NOTCH2NLC: variants seen among roughly 807,000 people sequenced by gnomAD.
NOTCH2NLC encodes notch homolog 2 N-terminal-like protein C.
In NOTCH2NLC, 4 loss-of-function variants were observed where a neutral mutation model predicts 17.7. The observed-to-expected ratio is 0.23, with a 90% confidence interval of 0.11 to 0.52. The LOEUF (loss-of-function observed/expected upper bound fraction) is 0.52, where lower values mean the gene tolerates loss of function less well. NOTCH2NLC is among the 20% of genes least tolerant of loss of function. The pLI, the probability that NOTCH2NLC is intolerant of heterozygous loss-of-function variation, is 0.96. For synonymous variants in NOTCH2NLC, 18 were observed against 86.0 expected (o/e 0.21, Z 4.38); for missense variants, 57 against 207.2 (o/e 0.28, Z 4.45).
intron 2 of NOTCH2NLC, among the ~76,000 whole-genome samples, chr1:149,449,652 A>G (rs1156401280): frequency 3.3e-5 from 5 of 151,362 alleles, no homozygotes; most frequent in African/African-American, 4.9e-5. Context: ...TAATTTATGT[A>G]TCATAAAATT....
At chr1:149,463,280 GAGTCCTTGTGTCTCTGCTGAGGTCCT>G (rs2084662338) in intron 3 of NOTCH2NLC, among the ~76,000 whole-genome samples, 185 bp from the exon 4 acceptor site, 1 of 149,290 alleles carries the variant, frequency 6.7e-6, no homozygotes, top group African/African-American at 2.5e-5. Flanking sequence ...TCCACCCACT[GAGTCCTTGTGTCTCTGCTGAGGTCCT>G]TGGAGAGTTA....
intron 1 of NOTCH2NLC, among the ~76,000 whole-genome samples, chr1:149,423,672 G>A (rs1418142486): frequency 0.011 from 1,670 of 147,616 alleles, 49 homozygotes; most frequent in African/African-American, 0.04. Context: ...TTGCATAAAC[G>A]TTGAAGAAAA....
rs1367398711 is a variant in NOTCH2NLC, at chr1:149,467,451, A to G, written c.*3298A>G. On this transcript the variant is annotated 3_prime_UTR_variant, in exon 5 of 5. Coordinates refer to ENST00000650865, the MANE Select transcript of NOTCH2NLC (RefSeq NM_001364013.2). ...CGCGTCTTGTATGACACAGAAAGAA[A>G]TGTTTCTTCACAGAGGGAGGAGAAA... 3.5e-5 allele frequency: 5 copies of G among 144,340 alleles called. 1 individual carries two copies. The highest frequency in any genetic ancestry group is 1.3e-4 in the African/African-American group (5 of 39,530). 8.9% of individuals were successfully genotyped at this position (144,340 alleles called of 1,614,324 possible). A position where few individuals can be genotyped will look rare whatever the true frequency, so the allele number is the denominator to read the frequency against.
At chr1:149,461,083 T>C (rs1226898853) in intron 3 of NOTCH2NLC, among the ~76,000 whole-genome samples, 9,040 of 148,502 alleles carry the variant, frequency 0.061, 421 homozygotes, top group Middle Eastern at 0.077. Context: ...TACAGGTATG[T>C]GCTATGAAGC....
At chr1:149,462,790 G>C (rs2084657288) in intron 3 of NOTCH2NLC, among the ~76,000 whole-genome samples, 2 of 149,412 alleles carry the variant, frequency 1.3e-5, no homozygotes, top group Non-Finnish European at 3.0e-5. Context: ...CTTTAGAGTT[G>C]CCAAGATAGG....
chr1:149,425,092 A>G (rs1188925415), intron 1 of NOTCH2NLC, among the ~76,000 whole-genome samples: 2 of 150,878 alleles, frequency 1.3e-5, no homozygotes, highest in Non-Finnish European at 3.0e-5. Context: ...TAGTATTCAA[A>G]CCCAGATTTG....
rs1381790232 is a variant in NOTCH2NLC, at chr1:149,461,033, C to T, written c.470-2458C>T. Reference sequence around the variant, plus strand: ...CACTGCAACCTCCACCTCTTGGGTTCGAGTGATTCTTGTGCCTCAGCCTCC... The same window carrying T: ...CACTGCAACCTCCACCTCTTGGGTTTGAGTGATTCTTGTGCCTCAGCCTCC... On this transcript the variant is annotated intron_variant, in intron 3 of 4. Coordinates refer to ENST00000650865, the MANE Select transcript of NOTCH2NLC (RefSeq NM_001364013.2). Among the ~76,000 whole-genome samples, 31 of 148,658 alleles carry T rather than the reference C, an allele frequency of 2.1e-4. 1 individual carries two copies. Among genetic ancestry groups the T allele is most frequent in the African/African-American group, 5.7e-4 (23 of 40,316 alleles).
chr1:149,412,985 A>G (rs1384199562), intron 1 of NOTCH2NLC, among the ~76,000 whole-genome samples: 3 of 137,798 alleles, frequency 2.2e-5, no homozygotes, highest in Non-Finnish European at 4.7e-5. Context: ...GCTTACCACA[A>G]CCTCCACCTC....
chr1:149,414,736 G>A (rs1243241934), intron 1 of NOTCH2NLC, among the ~76,000 whole-genome samples: 2 of 150,944 alleles, frequency 1.3e-5, no homozygotes, highest in Non-Finnish European at 3.0e-5. Flanking sequence ...TACTTCTGGG[G>A]TACACACACC....
Position 149,466,276 on chromosome 1 carries a change from G to GTTATATATATATATATAT in NOTCH2NLC, c.*2123_*2124insTTATATATATATATATAT, listed in dbSNP as rs1414684506. The stretch of plus-strand genomic sequence containing the variant: ...TGTGTGTGTGTGTGTGTGTGTGTGT[G>GTTATATATATATATATAT]GTATATATATATATATCGCATTGTG... On this transcript the variant is annotated 3_prime_UTR_variant, in exon 5 of 5. Coordinates refer to ENST00000650865, the MANE Select transcript of NOTCH2NLC (RefSeq NM_001364013.2). 7.7e-6 allele frequency: 1 copy of GTTATATATATATATATAT among 129,164 alleles called. No individual in the cohort carries two copies. Among genetic ancestry groups the GTTATATATATATATATAT allele is most frequent in the African/African-American group, 2.9e-5 (1 of 34,614 alleles). The allele number at this position is 129,164 out of a possible 1,614,324, so 8.0% of individuals were successfully genotyped here.
At position 149,399,220 on chromosome 1, in the gene NOTCH2NLC, C is replaced by A. The variant is rs1257782894; in HGVS notation, c.135+8298C>A. On this transcript the variant is annotated intron_variant, in intron 1 of 4. Coordinates refer to ENST00000650865, the MANE Select transcript of NOTCH2NLC (RefSeq NM_001364013.2). The stretch of plus-strand genomic sequence containing the variant: ...AAATTGTTGTTTGCTTCTTTTTCAT[C>A]TCTTTTTATTTTCATCTTTTTTTTT... Among the ~76,000 whole-genome samples the A allele has an allele frequency of 2.0e-5, 3 of 151,270 alleles. No homozygotes were observed. The East Asian group carries it at 5.9e-4, about 30-fold the overall frequency.
At chr1:149,432,516 A>G (rs1282139173) in intron 2 of NOTCH2NLC, among the ~76,000 whole-genome samples, 1 of 151,092 alleles carries the variant, frequency 6.6e-6, no homozygotes, top group Non-Finnish European at 1.5e-5. Flanking sequence ...ATACAACTGG[A>G]GATAATAAGG....
In NOTCH2NLC at chr1:149,468,964, T is replaced by C. The variant is rs1312407224; in HGVS notation, c.*4811T>C. Among the ~76,000 whole-genome samples, 20 of 122,682 alleles carry C rather than the reference T, an allele frequency of 1.6e-4. No homozygotes were observed. The highest frequency in any genetic ancestry group is 4.7e-4 in the African/African-American group (16 of 33,858). 80.5% of individuals were successfully genotyped at this position (122,682 alleles called of 152,430 possible). On this transcript the variant is annotated 3_prime_UTR_variant, in exon 5 of 5. Coordinates refer to ENST00000650865, the MANE Select transcript of NOTCH2NLC (RefSeq NM_001364013.2). ...TGTCATTTTCTTTTCTTTTCTTTTT[T>C]TTTTTTTTTTTTTTTTTTGAGACGG...
Position 149,393,828 on chromosome 1 carries a change from A to C in NOTCH2NLC, c.135+2906A>C, listed in dbSNP as rs2084190786. On this transcript the variant is annotated intron_variant, in intron 1 of 4. Coordinates refer to ENST00000650865, the MANE Select transcript of NOTCH2NLC (RefSeq NM_001364013.2). ...TTTTTCTGAATGTTTAGATTTAAAA[A>C]ATATTTACCCATAACTTCTTGGGAT... Among the ~76,000 whole-genome samples the C allele has an allele frequency of 8.8e-5, 9 of 102,832 alleles. 1 individual carries two copies. Among genetic ancestry groups the C allele is most frequent in the Non-Finnish European group, 5.8e-5 (3 of 51,836 alleles). The allele number at this position is 102,832 out of a possible 152,430, so 67.5% of individuals were successfully genotyped here. A position where few individuals can be genotyped will look rare whatever the true frequency, so the allele number is the denominator to read the frequency against.
intron 2 of NOTCH2NLC, among the ~76,000 whole-genome samples, chr1:149,433,777 T>TTTTG (rs2084466776): frequency 2.0e-5 from 3 of 149,834 alleles, no homozygotes; most frequent in Non-Finnish European, 4.5e-5. Context: ...TGAAATCCCA[T>TTTTG]CTCTACTAAA....
chr1:149,464,941 T>C lies in NOTCH2NLC; in HGVS notation c.*788T>C, dbSNP rs1354554665. On this transcript the variant is annotated 3_prime_UTR_variant, in exon 5 of 5. Transcript: ENST00000650865. Reference sequence around the variant, plus strand: ...GGAGGAATTAAAGGTCATAGTTTGGTCCTCAGTATAAAATCAACTGGTAAT... The same window carrying C: ...GGAGGAATTAAAGGTCATAGTTTGGCCCTCAGTATAAAATCAACTGGTAAT... The C allele has an allele frequency of 2.1e-5, 3 of 145,866 alleles. No homozygotes were observed. The highest frequency in any genetic ancestry group is 7.5e-5 in the African/African-American group (3 of 39,828). The allele number at this position is 145,866 out of a possible 1,614,324, so 9.0% of individuals were successfully genotyped here.
rs1570900815 is a variant in NOTCH2NLC, at chr1:149,405,705, TAGG to T, written c.135+14786_135+14788del. The stretch of plus-strand genomic sequence containing the variant: ...TAATTCTGAATGAACATTTGCATAA[TAGG>T]AGAATGATCTAAATTGCAAACTTCC... On this transcript the variant is annotated intron_variant, in intron 1 of 4. Coordinates refer to ENST00000650865, the MANE Select transcript of NOTCH2NLC (RefSeq NM_001364013.2). Among the ~76,000 whole-genome samples, 10 of 86,332 alleles carry T rather than the reference TAGG, an allele frequency of 1.2e-4. No homozygotes were observed. The South Asian group carries it at 2.8e-3, about 24-fold the overall frequency. The allele number at this position is 86,332 out of a possible 152,430, so 56.6% of individuals were successfully genotyped here. A position where few individuals can be genotyped will look rare whatever the true frequency, so the allele number is the denominator to read the frequency against.
Position 149,470,344 on chromosome 1 carries a change from A to T in NOTCH2NLC, c.*6191A>T, listed in dbSNP as rs1256599737. On this transcript the variant is annotated 3_prime_UTR_variant, in exon 5 of 5. Transcript: ENST00000650865. ...AATAGCTTTGAGATATAATTTATAT[A>T]CCATACAATTTACTTCTTAAAAAAG... Among the ~76,000 whole-genome samples, 1 of 151,198 alleles carries T rather than the reference A, an allele frequency of 6.6e-6. No individual in the cohort carries two copies. Among genetic ancestry groups the T allele is most frequent in the Non-Finnish European group, 1.5e-5 (1 of 67,628 alleles).
chr1:149,446,196 G>C (rs1477905867), intron 2 of NOTCH2NLC, among the ~76,000 whole-genome samples: 1 of 91,422 alleles, frequency 1.1e-5, no homozygotes, highest in African/African-American at 4.4e-5. Context: ...CTGAACTGCA[G>C]CCATTGCCAG....
Sources: allele counts gnomAD v4.1 joint callset (sites outside exome capture counted in the v4.1 genomes callset), GRCh38; gene constraint gnomAD v4.1.1; transcripts MANE v1.5; gene names NCBI Gene and HGNC (gene_info 2026-07-23, HGNC 2026-07-21).